ADAMTS20: variants seen among roughly 807,000 people sequenced by gnomAD.
ADAMTS20 encodes the protein A disintegrin and metalloproteinase with thrombospondin motifs 20.
In ADAMTS20, 225 loss-of-function variants were observed where a neutral mutation model predicts 260.1. That is an observed-to-expected ratio of 0.87 (90% CI 0.78 to 0.97). The LOEUF (loss-of-function observed/expected upper bound fraction) is 0.97, where lower values mean the gene tolerates loss of function less well. Among genes scored for constraint, ADAMTS20 ranks in the 50% least tolerant of loss-of-function variants. ADAMTS20 has a pLI of 0.00. For missense variants in ADAMTS20, 2,400 were observed against 2,337.7 expected, an observed-to-expected ratio of 1.03 and a Z score of -0.55; for synonymous variants, 802 against 769.5, an observed-to-expected ratio of 1.04 and a Z score of -0.70.
intron 28 of ADAMTS20, among the ~76,000 whole-genome samples, chr12:43,411,942 A>G (rs1465096108): frequency 6.6e-6 from 1 of 152,168 alleles, no homozygotes; most frequent in Non-Finnish European, 1.5e-5. Context: ...GTACCTCCTC[A>G]ATGTATACCA....
intron 37 of ADAMTS20, among the ~76,000 whole-genome samples, chr12:43,367,496 G>T (rs181892004): frequency 2.1e-4 from 32 of 152,078 alleles, no homozygotes; most frequent in Non-Finnish European, 4.4e-4. Flanking sequence ...TAACACTTAA[G>T]CTAGAAACAA....
chr12:43,440,575 C>T (rs1439317546), intron 16 of ADAMTS20, among the ~76,000 whole-genome samples: 1 of 152,178 alleles, frequency 6.6e-6, no homozygotes, highest in African/African-American at 2.4e-5. Flanking sequence ...AACTTCAGCA[C>T]ATCAGCCAAA....
intron 8 of ADAMTS20, among the ~76,000 whole-genome samples, chr12:43,467,012 A>G (rs1328487779): frequency 1.3e-5 from 2 of 151,720 alleles, no homozygotes; most frequent in Non-Finnish European, 2.9e-5. Context: ...TGGCATCTGA[A>G]TCTACACAAT....
At chr12:43,397,510 G>T (rs1940728434) in intron 29 of ADAMTS20, among the ~76,000 whole-genome samples, 1 of 152,130 alleles carries the variant, frequency 6.6e-6, no homozygotes, top group Admixed American at 6.6e-5. Context: ...GTGCAATGGA[G>T]ATTCAAGAGC....
chr12:43,452,276 T>C lies in ADAMTS20; in HGVS notation c.2077A>G (p.Met693Val). 6.2e-7 allele frequency: 1 copy of C among 1,605,604 alleles called. No homozygotes were observed. The highest frequency in any genetic ancestry group is 1.3e-5 in the African/African-American group (1 of 74,538). ...ATAGAAACTTATAGTTTACTTACCA[T>C]ACACTGGCCTTGAACACAGATGTCA... Reference protein sequence around the residue: ...THDICVQGQCMAAGCDHVLNS... With the variant: ...THDICVQGQCVAAGCDHVLNS... The change falls in exon 14 of 39, where the codon ATG becomes GTG. Residue 693 changes from methionine (M) to valine (V), a missense_variant and splice_region_variant. Transcript: ENST00000389420.
At chr12:43,467,209 G>A (rs547672640) in intron 8 of ADAMTS20, among the ~76,000 whole-genome samples, 114 of 152,060 alleles carry the variant, frequency 7.5e-4, no homozygotes, top group African/African-American at 2.2e-3. Flanking sequence ...CAAGAACTTC[G>A]TGAATCCCCA....
chr12:43,441,065 CA>C (rs74514544), intron 16 of ADAMTS20, among the ~76,000 whole-genome samples: 13,607 of 82,156 alleles, frequency 0.17, 739 homozygotes, highest in East Asian at 0.44. Flanking sequence ...ACTCCGTCTC[CA>C]AAAAAAAAAA....
At chr12:43,490,190 T>A (rs1166331462) in intron 7 of ADAMTS20, among the ~76,000 whole-genome samples, 1 of 152,012 alleles carries the variant, frequency 6.6e-6, no homozygotes, top group Non-Finnish European at 1.5e-5. Context: ...CATTTGATAT[T>A]GAGTAATTTG....
intron 10 of ADAMTS20, among the ~76,000 whole-genome samples, chr12:43,463,310 A>T (rs1019293652): frequency 6.6e-6 from 1 of 152,186 alleles, no homozygotes; most frequent in South Asian, 2.1e-4. Context: ...CTTTCTAAAG[A>T]ACTTTTTATT....
Position 43,432,486 on chromosome 12 carries a change from A to AG in ADAMTS20, c.2932-19dup. 3 of 1,591,772 alleles carry AG rather than the reference A, an allele frequency of 1.9e-6. No homozygotes were observed. Among genetic ancestry groups the AG allele is most frequent in the Middle Eastern group, 1.7e-4 (1 of 5,946 alleles). The stretch of plus-strand genomic sequence containing the variant: ...CTGGAACACTGATTAAAAAAAAAAA[A>AG]GTGGTAACTAATGGAAAAAAATCAG... On this transcript the variant is annotated intron_variant, in intron 20 of 38. Coordinates refer to ENST00000389420, the MANE Select transcript of ADAMTS20 (RefSeq NM_025003.5).
In ADAMTS20 at chr12:43,428,306, T is replaced by G. The variant is rs1941371452; in HGVS notation, c.3880A>C (p.Asn1294His). 6.2e-7 allele frequency: 1 copy of G among 1,613,850 alleles called. No individual in the cohort carries two copies. Among genetic ancestry groups the G allele is most frequent in the Admixed American group, 1.7e-5 (1 of 59,992 alleles). ...GATGGATGGACCACCTGATTTTCATTATCTTCAAGTTTTTGAGTTAATGGC... is the reference window on the plus strand; with the variant it reads ...GATGGATGGACCACCTGATTTTCATGATCTTCAAGTTTTTGAGTTAATGGC... ...NLPLTQKLED[N>H]ENQVVHPSVR... The change falls in exon 26 of 39, where the codon AAT becomes CAT. Residue 1294 changes from asparagine to histidine, a missense_variant. By Grantham distance (68) the Asn-to-His change is moderately conservative. Transcript: ENST00000389420.
intron 28 of ADAMTS20, among the ~76,000 whole-genome samples, chr12:43,408,022 T>C (rs1401305236): frequency 6.6e-6 from 1 of 152,198 alleles, no homozygotes; most frequent in Non-Finnish European, 1.5e-5. Context: ...TATTGACTCA[T>C]CCAGTAACAT....
chr12:43,392,484 T>C (rs867848859), intron 29 of ADAMTS20, among the ~76,000 whole-genome samples: 18 of 152,182 alleles, frequency 1.2e-4, no homozygotes, highest in African/African-American at 3.6e-4. Flanking sequence ...GATATGAACC[T>C]CTTCTCTAAA....
Position 43,428,678 on chromosome 12 carries a change from C to G in ADAMTS20, c.3611G>C (p.Cys1204Ser). 6.2e-7 allele frequency: 1 copy of G among 1,610,564 alleles called. No individual in the cohort carries two copies. Among genetic ancestry groups the G allele is most frequent in the Non-Finnish European group, 8.5e-7 (1 of 1,177,812 alleles). The change falls in exon 25 of 39, where the codon TGT (cysteine) becomes TCT (serine). Residue 1204 changes from cysteine to serine, a missense_variant. By Grantham distance (112) the Cys-to-Ser change is moderately radical. Transcript: ENST00000389420. ...HLPRPAEIWD[C>S]FTPCGEWQAG... is the part of the protein sequence containing the mutation. ...TTGCCACTCTCCACAAGGGGTAAAACAGTCCCATATTTCAGCAGGTCGGGG... is the reference window on the plus strand; with the variant it reads ...TTGCCACTCTCCACAAGGGGTAAAAGAGTCCCATATTTCAGCAGGTCGGGG...
intron 18 of ADAMTS20, among the ~76,000 whole-genome samples, chr12:43,435,606 A>G (rs899968220): frequency 6.8e-6 from 1 of 147,226 alleles, no homozygotes; most frequent in African/African-American, 2.5e-5. Context: ...GCACCACTGC[A>G]CTCCAGCCTG....
chr12:43,430,530 T>C (rs962605765), intron 22 of ADAMTS20, 59 bp from the exon 23 acceptor site: 1 of 1,500,022 alleles, frequency 6.7e-7, no homozygotes, highest in Non-Finnish European at 9.0e-7. Flanking sequence ...CACAAACTTC[T>C]ATTTTCTTAA....
intron 3 of ADAMTS20, among the ~76,000 whole-genome samples, chr12:43,527,373 G>A (rs889269677): frequency 6.6e-6 from 1 of 151,750 alleles, no homozygotes. Flanking sequence ...ACCAAAACCA[G>A]GAAATGACAT....
At chr12:43,423,912 C>A in intron 28 of ADAMTS20, 1 of 719,866 alleles carries the variant, frequency 1.4e-6, no homozygotes. Flanking sequence ...AGCAATTTCA[C>A]TTTAAGATCC....
At chr12:43,521,814 G>A (rs923091134) in intron 3 of ADAMTS20, among the ~76,000 whole-genome samples, 1 of 151,768 alleles carries the variant, frequency 6.6e-6, no homozygotes, top group Non-Finnish European at 1.5e-5. Flanking sequence ...ACACACACCC[G>A]CACCTTACTC....
Sources: allele counts gnomAD v4.1 joint callset (sites outside exome capture counted in the v4.1 genomes callset), GRCh38; gene constraint gnomAD v4.1.1; transcripts MANE v1.5; gene names NCBI Gene and HGNC (gene_info 2026-07-23, HGNC 2026-07-21).